The following SLC44A3 variants were observed in gnomAD, a reference collection of about 807,000 sequenced individuals.
The protein encoded by SLC44A3 is choline transporter-like protein 3.
Under a neutral mutation model 75.4 loss-of-function variants are expected in SLC44A3, and 74 were observed. The observed-to-expected ratio is 0.98, with a 90% CI of 0.81 to 1.19. The LOEUF is 1.19. SLC44A3 is among the 50% of genes most tolerant of loss of function. The pLI, the probability that SLC44A3 is intolerant of heterozygous loss-of-function variation, is 0.00. For missense variants in SLC44A3, 700 were observed against 778.6 expected, an observed-to-expected ratio of 0.90 and a Z score of 1.20; for synonymous variants, 310 against 296.9, an observed-to-expected ratio of 1.04 and a Z score of -0.45.
intron 12 of SLC44A3, among the ~76,000 whole-genome samples, chr1:94,878,114 G>T (rs1668509526): frequency 6.6e-6 from 1 of 152,036 alleles, no homozygotes; most frequent in African/African-American, 2.4e-5. Context: ...GGCGCCTGTA[G>T]TCCCAGCTAC....
intron 12 of SLC44A3, among the ~76,000 whole-genome samples, chr1:94,871,001 G>C: frequency 6.6e-6 from 1 of 152,334 alleles, no homozygotes; most frequent in South Asian, 2.1e-4. Context: ...TTTTGAGATA[G>C]TGTCTCCAGT....
At chr1:94,839,050 A>G (rs572964107) in intron 6 of SLC44A3, 1 of 152,364 alleles carries the variant, frequency 6.6e-6, no homozygotes, top group East Asian at 1.9e-4. Flanking sequence ...ACCTAGGAGA[A>G]GAGGTGGCAG....
In SLC44A3 at chr1:94,830,481, G is replaced by A. The variant is rs564046779; in HGVS notation, c.509+1895G>A. On this transcript the variant is annotated intron_variant, in intron 5 of 14. Transcript: ENST00000271227. ...CTGCCTCGGCCTCCCAAAGTGCTGG[G>A]ATTACAGGCATGATCCACCACGCCT... Among the ~76,000 whole-genome samples the A allele has an allele frequency of 1.4e-3, 215 of 152,282 alleles. 1 individual carries two copies. The highest frequency in any genetic ancestry group is 2.3e-3 in the Non-Finnish European group (159 of 68,026).
intron 10 of SLC44A3, 97 bp downstream of exon 10, chr1:94,857,597 C>T: frequency 7.8e-7 from 1 of 1,273,910 alleles, no homozygotes; most frequent in Non-Finnish European, 1.1e-6. Context: ...GTTGACCTAG[C>T]CCCTTAAAAG....
At chr1:94,865,097 A>T (rs1303332796) in intron 11 of SLC44A3, among the ~76,000 whole-genome samples, 198 bp downstream of exon 11, 3 of 151,972 alleles carry the variant, frequency 2.0e-5, no homozygotes, top group Non-Finnish European at 4.4e-5. Flanking sequence ...TGTTTTGTTT[A>T]TGGTTTTGTT....
At chr1:94,835,083 G>A (rs753391107) in intron 5 of SLC44A3, among the ~76,000 whole-genome samples, 36 of 152,170 alleles carry the variant, frequency 2.4e-4, no homozygotes, top group Non-Finnish European at 4.9e-4. Flanking sequence ...TACAAATTAA[G>A]GGACATTTTA....
At chr1:94,821,524 C>T (rs3860349) in intron 2 of SLC44A3, among the ~76,000 whole-genome samples, 146,128 of 152,286 alleles carry the variant, frequency 0.96, 70,417 homozygotes, top group Non-Finnish European at 1. Flanking sequence ...TAGCAGCCAA[C>T]ACTGTTAACC....
In SLC44A3 at chr1:94,828,594, C is replaced by G; in HGVS notation, c.509+8C>G. 1 of 1,612,442 alleles carries G rather than the reference C, an allele frequency of 6.2e-7. No individual in the cohort carries two copies. Among genetic ancestry groups the G allele is most frequent in the Non-Finnish European group, 8.5e-7 (1 of 1,178,834 alleles). ...GCTACCAGTTCCTCCAAGGTAAAAG[C>G]TTCCATACTTTTTCCTTAACTCTAA... On this transcript the variant is annotated splice_region_variant and intron_variant, in intron 5 of 14. Coordinates refer to ENST00000271227, the MANE Select transcript of SLC44A3 (RefSeq NM_001114106.3).
At chr1:94,833,054 G>A (rs1662327722) in intron 5 of SLC44A3, among the ~76,000 whole-genome samples, 2 of 151,764 alleles carry the variant, frequency 1.3e-5, no homozygotes, top group South Asian at 2.1e-4. Flanking sequence ...CCCCCTGCAC[G>A]CTTGGCCCAG....
At chr1:94,861,534 A>C (rs1037072791) in intron 10 of SLC44A3, among the ~76,000 whole-genome samples, 1 of 152,210 alleles carries the variant, frequency 6.6e-6, no homozygotes, top group Non-Finnish European at 1.5e-5. Flanking sequence ...ATTAATTTAT[A>C]ATATAACACA....
chr1:94,859,983 C>G (rs1234009954), intron 10 of SLC44A3, among the ~76,000 whole-genome samples: 2 of 152,238 alleles, frequency 1.3e-5, no homozygotes, highest in Non-Finnish European at 2.9e-5. Context: ...AGACAACAAG[C>G]AACATGCCTC....
intron 2 of SLC44A3, among the ~76,000 whole-genome samples, chr1:94,822,944 G>A (rs1272805642): frequency 6.6e-6 from 1 of 152,140 alleles, no homozygotes; most frequent in African/African-American, 2.4e-5. Context: ...AAGATCCCTT[G>A]AAGCCAGGAG....
Position 94,892,605 on chromosome 1 carries a change from C to A in SLC44A3, c.1857+88C>A, listed in dbSNP as rs1670340831. ...GCTGCACACACGAAAGAGGCTCATA[C>A]CCAGCCTCTCTCTTCTAGAGGGCTC... On this transcript the variant is annotated intron_variant, in intron 14 of 14. Coordinates refer to ENST00000271227, the MANE Select transcript of SLC44A3 (RefSeq NM_001114106.3). The A allele has an allele frequency of 4.0e-6, 5 of 1,256,066 alleles. No homozygotes were observed. In the South Asian group the frequency reaches 6.7e-5, roughly 17 times the overall value. The allele number at this position is 1,256,066 out of a possible 1,614,324, so 77.8% of individuals were successfully genotyped here. A position where few individuals can be genotyped will look rare whatever the true frequency, so the allele number is the denominator to read the frequency against.
At chr1:94,889,279 G>T (rs141371650) in intron 12 of SLC44A3, 2 of 152,040 alleles carry the variant, frequency 1.3e-5, no homozygotes, top group African/African-American at 4.8e-5. Context: ...GTGTACAAAA[G>T]GGTTAATTTG....
Position 94,827,544 on chromosome 1 carries a change from A to G in SLC44A3, c.316A>G (p.Lys106Glu). The part of the protein sequence containing the change: ...FFMNSCNLEV[K>E]GTQLNRMALC... ...TATGAATTCCTGCAACCTGGAAGTC[A>G]AAGGTACGCAGCTCAACCGCATGGC... is the stretch of plus-strand genomic sequence containing the variant. Residue 106 changes from lysine (K) to glutamate (E), a missense_variant, in exon 4 of 15, where the codon AAA becomes GAA. By Grantham distance (56) the Lys-to-Glu change is moderately conservative. Coordinates refer to ENST00000271227, the MANE Select transcript of SLC44A3 (RefSeq NM_001114106.3). 1 of 1,614,232 alleles carries G rather than the reference A, an allele frequency of 6.2e-7. No homozygotes were observed. The highest frequency in any genetic ancestry group is 8.5e-7 in the Non-Finnish European group (1 of 1,180,042).
chr1:94,868,995 T>C (rs1667472851), intron 12 of SLC44A3, among the ~76,000 whole-genome samples: 2 of 152,256 alleles, frequency 1.3e-5, no homozygotes, highest in Non-Finnish European at 2.9e-5. Flanking sequence ...CCATATACCA[T>C]GCCTATACTG....
intron 10 of SLC44A3, among the ~76,000 whole-genome samples, chr1:94,858,404 C>T (rs1003483770): frequency 3.9e-5 from 6 of 152,132 alleles, no homozygotes; most frequent in Admixed American, 3.9e-4. Flanking sequence ...ATTGAGGACA[C>T]ACACAAACAC....
chr1:94,890,381 GGTT>G (rs1340995795), intron 12 of SLC44A3, among the ~76,000 whole-genome samples: 7 of 152,240 alleles, frequency 4.6e-5, no homozygotes, highest in South Asian at 2.1e-4. Flanking sequence ...CTTCTCCAAG[GGTT>G]GTTATCTGTA....
Position 94,891,235 on chromosome 1 carries a change from T to G in SLC44A3, c.1588T>G (p.Cys530Gly), listed in dbSNP as rs752335868. The G allele has an allele frequency of 6.2e-7, 1 of 1,610,380 alleles. No homozygotes were observed. Among genetic ancestry groups the G allele is most frequent in the South Asian group, 1.1e-5 (1 of 90,462 alleles). Residue 530 changes from cysteine (C) to glycine (G), a missense_variant, in exon 13 of 15, where the codon TGC becomes GGC. Cys to Gly is a radical substitution (Grantham distance 159). Transcript: ENST00000271227. ...CTCAAGTCACTTTACATCTATTAAC[T>G]GCTTTGGAGACTTCATAATTTTTCT... is the stretch of plus-strand genomic sequence containing the variant. ...KNSSHFTSIN[C>G]FGDFIIFLGK...
Sources: allele counts gnomAD v4.1 joint callset (sites outside exome capture counted in the v4.1 genomes callset), GRCh38; gene constraint gnomAD v4.1.1; transcripts MANE v1.5; gene names NCBI Gene and HGNC (gene_info 2026-07-23, HGNC 2026-07-21).